Variants in KIFC1 observed in about 807,000 individuals in gnomAD.
The protein encoded by KIFC1 is kinesin family member C1.
KIFC1 carries 37 observed loss-of-function variants against 66.6 expected under a neutral mutation model. The ratio of observed to expected loss-of-function variants is 0.56; its 90% CI spans 0.43 to 0.73. KIFC1 has a LOEUF of 0.73. KIFC1 is among the 30% of genes least tolerant of loss of function. The probability of loss-of-function intolerance (pLI) is 0.00; values close to 1 mark genes in which losing one functional copy is unlikely to be tolerated. For missense variants in KIFC1, 721 were observed against 859.8 expected (o/e 0.84, Z 2.02); for synonymous variants, 325 against 343.5 (o/e 0.95, Z 0.60).
At chr6:33,396,737 A>G (rs555127484) in intron 1 of KIFC1, among the ~76,000 whole-genome samples, 21 of 150,254 alleles carry the variant, frequency 1.4e-4, no homozygotes, top group African/African-American at 5.2e-4. Flanking sequence ...GCTGGAGTGC[A>G]GTGGCACAAT....
chr6:33,408,046 A>C lies in KIFC1; in HGVS notation c.1977+1171A>C, dbSNP rs141952544. On this transcript the variant is annotated intron_variant, in intron 10 of 10. Transcript: ENST00000428849. Reference sequence around the variant, plus strand: ...GTTTCCCTCACTATCTTGCAAGTTCAATTTTAGAGGGTGGTGATGTTTTTT... The same window carrying C: ...GTTTCCCTCACTATCTTGCAAGTTCCATTTTAGAGGGTGGTGATGTTTTTT... Among the ~76,000 whole-genome samples the C allele has an allele frequency of 1.6e-3, 246 of 152,286 alleles. 1 individual carries two copies. The highest frequency in any genetic ancestry group is 5.7e-3 in the African/African-American group (236 of 41,558).
In KIFC1 at chr6:33,409,682, AG is replaced by A; in HGVS notation, c.2016del (p.Lys673SerfsTer?). 3 of 1,603,760 alleles carry A rather than the reference AG, an allele frequency of 1.9e-6. No homozygotes were observed. The highest frequency in any genetic ancestry group is 2.6e-6 in the Non-Finnish European group (3 of 1,176,156). On this transcript the variant is annotated frameshift_variant, in exon 11 of 11. Transcript: ENST00000428849. LOFTEE classifies it high-confidence loss of function. ...TGTTATTGGTACTGCTCAGGCCAAC[AG>A]GAAGTGAAGACGGATCCAGATCTGT... is the stretch of plus-strand genomic sequence containing the variant. Reference protein sequence around the residue: ...QCVIGTAQANRK With the variant: ...QCVIGTAQANXK
chr6:33,409,028 C>T (rs748862084), intron 10 of KIFC1, among the ~76,000 whole-genome samples: 12 of 152,096 alleles, frequency 7.9e-5, no homozygotes, highest in South Asian at 2.1e-4. Context: ...ATTCACCGGG[C>T]GTGGTGGCGG....
Position 33,391,917 on chromosome 6 carries a change from G to C in KIFC1, c.-69G>C. 1 of 1,596,768 alleles carries C rather than the reference G, an allele frequency of 6.3e-7. No homozygotes were observed. The highest frequency in any genetic ancestry group is 8.6e-7 in the Non-Finnish European group (1 of 1,164,970). Reference sequence around the variant, plus strand: ...TTCGCGAGCGGGCGAGAGAACGCGAGTCCCAGGATCCCCGGCACCCAGTTC... The same window carrying C: ...TTCGCGAGCGGGCGAGAGAACGCGACTCCCAGGATCCCCGGCACCCAGTTC... On this transcript the variant is annotated 5_prime_UTR_variant, in exon 1 of 11. Coordinates refer to ENST00000428849, the MANE Select transcript of KIFC1 (RefSeq NM_002263.4).
upstream of KIFC1, chr6:33,391,811 G>T (rs1774794744): frequency 1.3e-6 from 1 of 753,302 alleles, no homozygotes; most frequent in Non-Finnish European, 2.3e-6. Flanking sequence ...GTGAGAGTGG[G>T]TGGTGGCCGT....
Position 33,403,626 on chromosome 6 carries a change from G to A in KIFC1, c.355+91G>A. ...GAAAAATCCATTTGGTCTCTAAGGG[G>A]AAGGAGATGTAGCATCAGGTGTGGA... On this transcript the variant is annotated intron_variant, in intron 5 of 10. Coordinates refer to ENST00000428849, the MANE Select transcript of KIFC1 (RefSeq NM_002263.4). The surrounding 1 kb of genome is among the most constrained non-coding windows in gnomAD (Gnocchi z 4.6). 2 of 1,576,246 alleles carry A rather than the reference G, an allele frequency of 1.3e-6. No homozygotes were observed. The highest frequency in any genetic ancestry group is 1.1e-5 in the South Asian group (1 of 90,216).
Position 33,398,281 on chromosome 6 carries a change from T to C in KIFC1, c.151-7T>C. The C allele has an allele frequency of 6.2e-7, 1 of 1,613,856 alleles. No homozygotes were observed. Among genetic ancestry groups the C allele is most frequent in the Non-Finnish European group, 8.5e-7 (1 of 1,179,950 alleles). On this transcript the variant is annotated splice_region_variant and splice_polypyrimidine_tract_variant and intron_variant, in intron 2 of 10. Transcript: ENST00000428849. ...TGACTATGGACCTTGTCTTTATCTT[T>C]CCCCAGAAACGGACAAGAGGCCTGG...
rs144332063 is a variant in KIFC1 at position 33,405,478 on chromosome 6, C to T, written c.1383C>T (p.Tyr461=). 214 of 1,612,322 alleles carry T rather than the reference C, an allele frequency of 1.3e-4. No homozygotes were observed. The African/African-American group carries it at 2.1e-3, about 16-fold the overall frequency. The change falls in exon 7 of 11, where the codon TAC becomes TAT. Residue 461 remains tyrosine, a synonymous_variant. Transcript: ENST00000428849. The surrounding 1 kb of genome is among the most constrained non-coding windows in gnomAD (Gnocchi z 5.4). ...QGWTYSFVAS[Y]VEIYNETVRD... ...GGACCTACAGCTTTGTAGCAAGCTA[C>T]GTAGAGATCTACAATGAGACTGTCC...
chr6:33,405,372 G>A lies in KIFC1; in HGVS notation c.1277G>A (p.Gly426Glu). 1.2e-6 allele frequency: 2 copies of A among 1,610,556 alleles called. No individual in the cohort carries two copies. Among genetic ancestry groups the A allele is most frequent in the Non-Finnish European group, 8.5e-7 (1 of 1,177,492 alleles). ...TTCACAATGGAGGGTGGGCCTGGGG[G>A]AGACCCCCAGTTGGAGGGGCTGATC... ...KTFTMEGGPGGDPQLEGLIPR... is the reference protein window; with the variant it reads ...KTFTMEGGPGEDPQLEGLIPR... Residue 426 changes from glycine to glutamate, a missense_variant, in exon 7 of 11, where the codon GGA becomes GAA. Coordinates refer to ENST00000428849, the MANE Select transcript of KIFC1 (RefSeq NM_002263.4). The surrounding 1 kb of genome is among the most constrained non-coding windows in gnomAD (Gnocchi z 5.4).
chr6:33,395,924 G>C (rs1350659577), intron 1 of KIFC1, among the ~76,000 whole-genome samples: 3 of 152,078 alleles, frequency 2.0e-5, no homozygotes, highest in Non-Finnish European at 4.4e-5. Context: ...CAATGGTATG[G>C]ATATATCACA....
At position 33,400,621 on chromosome 6, in the gene KIFC1, C is replaced by T. The variant is rs1775323145; in HGVS notation, c.250+2234C>T. On this transcript the variant is annotated intron_variant, in intron 3 of 10. Transcript: ENST00000428849. This position sits in a 1 kb window ranked among gnomAD's most constrained non-coding sequence, Gnocchi z 4.3. ...TGACCGAAGAAAGTTGCACCTTGGCCTCCTCCGAGCCGAAAGCCGAGAGCT... is the reference window on the plus strand; with the variant it reads ...TGACCGAAGAAAGTTGCACCTTGGCTTCCTCCGAGCCGAAAGCCGAGAGCT... The T allele has an allele frequency of 2.5e-6, 2 of 797,680 alleles. No homozygotes were observed. The highest frequency in any genetic ancestry group is 4.1e-6 in the Non-Finnish European group (2 of 488,158). 49.4% of individuals were successfully genotyped at this position (797,680 alleles called of 1,614,324 possible).
In KIFC1 at chr6:33,392,008, G is replaced by A. The variant is rs778542318; in HGVS notation, c.12+11G>A. On this transcript the variant is annotated intron_variant, in intron 1 of 10. Coordinates refer to ENST00000428849, the MANE Select transcript of KIFC1 (RefSeq NM_002263.4). The stretch of plus-strand genomic sequence containing the variant: ...GACATGGATCCGCAGGTGAGTAGGG[G>A]CGGCGCAGGTGTCCTGCCCTGGGGA... 6.2e-7 allele frequency: 1 copy of A among 1,613,714 alleles called. No individual in the cohort carries two copies. The highest frequency in any genetic ancestry group is 1.1e-5 in the South Asian group (1 of 91,066).
Position 33,400,319 on chromosome 6 carries a change from G to A in KIFC1, c.250+1932G>A, listed in dbSNP as rs1233577543. The A allele has an allele frequency of 6.3e-7, 1 of 1,583,028 alleles. No homozygotes were observed. The highest frequency in any genetic ancestry group is 1.7e-5 in the Admixed American group (1 of 59,826). ...GGTTTCTTGAGGGCTTTGATGATCG[G>A]GGCAGAGGCAGAAGGCACCACCTCA... On this transcript the variant is annotated intron_variant, in intron 3 of 10. Transcript: ENST00000428849. The surrounding 1 kb of genome is among the most constrained non-coding windows in gnomAD (Gnocchi z 4.3).
At position 33,409,860 on chromosome 6, in the gene KIFC1, T is replaced by C. The variant is rs986804533; in HGVS notation, c.*170T>C. ...CTATCAAATAAAGAATAGTTTGGTT[T>C]TTTTTTTAAATAAAGGTTTTATTAG... On this transcript the variant is annotated 3_prime_UTR_variant, in exon 11 of 11. Coordinates refer to ENST00000428849, the MANE Select transcript of KIFC1 (RefSeq NM_002263.4). 1.7e-5 allele frequency: 11 copies of C among 654,534 alleles called. No individual in the cohort carries two copies. The Admixed American group carries it at 3.2e-4, about 19-fold the overall frequency. The allele number at this position is 654,534 out of a possible 1,614,324, so 40.5% of individuals were successfully genotyped here. A position where few individuals can be genotyped will look rare whatever the true frequency, so the allele number is the denominator to read the frequency against.
At chr6:33,396,037 T>G (rs1775016234) in intron 1 of KIFC1, among the ~76,000 whole-genome samples, 1 of 152,210 alleles carries the variant, frequency 6.6e-6, no homozygotes, top group Admixed American at 6.5e-5. Context: ...GGTTATATAG[T>G]TATGAACAAA....
intron 1 of KIFC1, among the ~76,000 whole-genome samples, chr6:33,396,054 G>T (rs963210351): frequency 1.4e-4 from 22 of 152,144 alleles, no homozygotes; most frequent in African/African-American, 5.3e-4. Context: ...CAAAACAGAT[G>T]AATTCTTATG....
At chr6:33,397,011 A>AC (rs1243722459) in intron 1 of KIFC1, among the ~76,000 whole-genome samples, 5 of 49,770 alleles carry the variant, frequency 1.0e-4, no homozygotes, top group Admixed American at 2.5e-4. Context: ...TTTTTTTGAG[A>AC]CGTAGTCTCG....
In KIFC1 at chr6:33,403,806, G is replaced by T; in HGVS notation, c.433G>T (p.Asp145Tyr). The change falls in exon 6 of 11, where the codon GAC (aspartate) becomes TAC (tyrosine). Residue 145 changes from aspartate to tyrosine, a missense_variant. Coordinates refer to ENST00000428849, the MANE Select transcript of KIFC1 (RefSeq NM_002263.4). This position sits in a 1 kb window ranked among gnomAD's most constrained non-coding sequence, Gnocchi z 4.6. ...PAWDLKGQLC[D>Y]LNAELKRCRE... ...CTGGGACTTAAAGGGTCAGTTATGT[G>T]ACCTAAATGCAGAACTAAAACGGTG... The T allele has an allele frequency of 1.9e-6, 3 of 1,614,258 alleles. No individual in the cohort carries two copies. The highest frequency in any genetic ancestry group is 1.3e-5 in the African/African-American group (1 of 75,064).
At chr6:33,396,524 C>T (rs1201375553) in intron 1 of KIFC1, among the ~76,000 whole-genome samples, 2 of 146,470 alleles carry the variant, frequency 1.4e-5, no homozygotes, top group East Asian at 4.0e-4. Context: ...CGGCTCACTG[C>T]AGCCTTGATC....
Sources: allele counts gnomAD v4.1 joint callset (sites outside exome capture counted in the v4.1 genomes callset), GRCh38; gene constraint gnomAD v4.1.1; non-coding constraint Gnocchi (gnomAD v3.1); transcripts MANE v1.5; gene names NCBI Gene and HGNC (gene_info 2026-07-23, HGNC 2026-07-21).